Variants in VWA2 observed in about 807,000 individuals in gnomAD.
The protein encoded by VWA2 is von Willebrand factor A domain-containing protein 2.
In VWA2, 73 loss-of-function variants were observed where a neutral mutation model predicts 70.4. That is an observed-to-expected ratio of 1.04 (90% CI 0.86 to 1.26). VWA2 has a LOEUF of 1.26. Among genes scored for constraint, VWA2 ranks in the 50% most tolerant of loss-of-function variants. The pLI, the probability that VWA2 is intolerant of heterozygous loss-of-function variation, is 0.00. For missense variants in VWA2, 1,011 were observed against 998.5 expected (o/e 1.01, Z -0.17); for synonymous variants, 407 against 423.3 (o/e 0.96, Z 0.47).
Position 114,289,393 on chromosome 10 carries a change from C to A in VWA2, c.2026C>A (p.Arg676=). Reference sequence around the variant, plus strand: ...GGGGCCTGTCCTAAGTGAGGGTCTGCGGAGGCTTGCAGGTCCCCGGGATTC... The same window carrying A: ...GGGGCCTGTCCTAAGTGAGGGTCTGAGGAGGCTTGCAGGTCCCCGGGATTC... ...GVGPVLSEGL[R]RLAGPRDSLI... The change falls in exon 12 of 14, where the codon CGG becomes AGG. Residue 676 remains arginine, a synonymous_variant. Transcript: ENST00000392982. 2 of 1,614,208 alleles carry A rather than the reference C, an allele frequency of 1.2e-6. No individual in the cohort carries two copies. Among genetic ancestry groups the A allele is most frequent in the African/African-American group, 1.3e-5 (1 of 75,050 alleles).
intron 1 of VWA2, among the ~76,000 whole-genome samples, chr10:114,243,237 C>T (rs2037005167): frequency 6.6e-6 from 1 of 152,242 alleles, no homozygotes; most frequent in South Asian, 2.1e-4. Flanking sequence ...CTCCCTAACC[C>T]TCCAGGGAGT....
chr10:114,261,592 G>A (rs1422652996), intron 5 of VWA2, among the ~76,000 whole-genome samples: 1 of 152,224 alleles, frequency 6.6e-6, no homozygotes, highest in African/African-American at 2.4e-5. Context: ...TAAGAGCCTG[G>A]AGGAATAGGA....
chr10:114,289,414 G>A lies in VWA2; in HGVS notation c.2047G>A (p.Asp683Asn). Residue 683 changes from aspartate (D) to asparagine (N), a missense_variant, in exon 12 of 14, where the codon GAT (aspartate) becomes AAT (asparagine). Coordinates refer to ENST00000392982, the MANE Select transcript of VWA2 (RefSeq NM_001272046.2). ...EGLRRLAGPRDSLIHVAAYAD... is the reference protein window; with the variant it reads ...EGLRRLAGPRNSLIHVAAYAD... ...TCTGCGGAGGCTTGCAGGTCCCCGG[G>A]ATTCCCTGATCCACGTGGCAGCTTA... The A allele has an allele frequency of 6.2e-7, 1 of 1,614,210 alleles. No individual in the cohort carries two copies. Among genetic ancestry groups the A allele is most frequent in the South Asian group, 1.1e-5 (1 of 91,076 alleles).
chr10:114,265,398 T>A (rs1031930098), intron 5 of VWA2, among the ~76,000 whole-genome samples: 1 of 152,234 alleles, frequency 6.6e-6, no homozygotes, highest in Admixed American at 6.5e-5. Context: ...ACCTCTGCTC[T>A]TGTCTGAAAA....
rs773701314 is a variant in VWA2 at position 114,286,218 on chromosome 10, TGCGGCAG to T, written c.1285_1291del (p.Ala429SerfsTer48). 1 of 1,613,634 alleles carries T rather than the reference TGCGGCAG, an allele frequency of 6.2e-7. No individual in the cohort carries two copies. The highest frequency in any genetic ancestry group is 1.3e-5 in the African/African-American group (1 of 74,932). On this transcript the variant is annotated frameshift_variant, in exon 11 of 14. Coordinates refer to ENST00000392982, the MANE Select transcript of VWA2 (RefSeq NM_001272046.2). LOFTEE classifies it high-confidence loss of function. ...GGCCCCACCCTGACGGGCAGTGCCT[TGCGGCAG>T]GCGGCAGAGCGTGGCTTCGGGAGCG...
chr10:114,249,841 G>A (rs1319063924), intron 2 of VWA2, among the ~76,000 whole-genome samples: 1 of 152,114 alleles, frequency 6.6e-6, no homozygotes, highest in African/African-American at 2.4e-5. Flanking sequence ...AAACTTTTCA[G>A]TGACTTTCTG....
chr10:114,254,933 C>T lies in VWA2; in HGVS notation c.146C>T (p.Ala49Val), dbSNP rs1163590168. 6.2e-7 allele frequency: 1 copy of T among 1,613,270 alleles called. No homozygotes were observed. The highest frequency in any genetic ancestry group is 8.5e-7 in the Non-Finnish European group (1 of 1,179,922). Residue 49 changes from alanine to valine, a missense_variant, in exon 4 of 14, where the codon GCA becomes GTA. By Grantham distance (64) the Ala-to-Val change is moderately conservative. Transcript: ENST00000392982. ...TCCCTAGTGATGTGGTGCTCGGCTG[C>T]AGTGGACATCATGTTTCTGTTAGAT... ...AASKMMWCSA[A>V]VDIMFLLDGS...
Position 114,249,219 on chromosome 10 carries a change from C to T in VWA2, c.52+454C>T, listed in dbSNP as rs191528343. On this transcript the variant is annotated intron_variant, in intron 2 of 13. Coordinates refer to ENST00000392982, the MANE Select transcript of VWA2 (RefSeq NM_001272046.2). Reference sequence around the variant, plus strand: ...CCCCAGTGTGTGTTGTTTCCATCCCCATGTCCATATGTTCTCATTGTTCAG... The same window carrying T: ...CCCCAGTGTGTGTTGTTTCCATCCCTATGTCCATATGTTCTCATTGTTCAG... 2.6e-3 allele frequency among the ~76,000 whole-genome samples: 402 copies of T among 152,096 alleles called. 1 individual carries two copies. Among genetic ancestry groups the T allele is most frequent in the Non-Finnish European group, 2.9e-3 (195 of 67,984 alleles).
intron 6 of VWA2, among the ~76,000 whole-genome samples, chr10:114,277,015 G>C (rs1403122904): frequency 6.6e-6 from 1 of 152,030 alleles, no homozygotes; most frequent in Non-Finnish European, 1.5e-5. Flanking sequence ...CCTGGGAGGA[G>C]AATCTGTTTT....
intron 1 of VWA2, among the ~76,000 whole-genome samples, chr10:114,245,142 G>A (rs919129735): frequency 1.3e-5 from 2 of 152,190 alleles, no homozygotes; most frequent in Non-Finnish European, 2.9e-5. Context: ...CTAGGAGAAG[G>A]CATTTGACAT....
intron 4 of VWA2, among the ~76,000 whole-genome samples, chr10:114,256,995 G>A (rs2133315243): frequency 6.6e-6 from 1 of 152,130 alleles, no homozygotes; most frequent in Non-Finnish European, 1.5e-5. Flanking sequence ...TTGCATACAG[G>A]TTGAGGAAGG....
chr10:114,274,294 A>T (rs2037773166), intron 6 of VWA2, among the ~76,000 whole-genome samples: 1 of 152,168 alleles, frequency 6.6e-6, no homozygotes, highest in Non-Finnish European at 1.5e-5. Flanking sequence ...TAAGCAGGGG[A>T]ATGATATCTT....
chr10:114,258,073 A>T (rs2133318381), intron 4 of VWA2, among the ~76,000 whole-genome samples: 1 of 152,344 alleles, frequency 6.6e-6, no homozygotes, highest in South Asian at 2.1e-4. Flanking sequence ...TTACTTGGGT[A>T]AGTGAATTAG....
Position 114,288,990 on chromosome 10 carries a change from A to G in VWA2, c.1623A>G (p.Ser541=), listed in dbSNP as rs2039253758. 1 of 1,614,008 alleles carries G rather than the reference A, an allele frequency of 6.2e-7. No homozygotes were observed. The highest frequency in any genetic ancestry group is 1.7e-5 in the Admixed American group (1 of 60,012). ...DLVFMLDTSA[S]VGPENFAQMQ... ...TCTTCATGTTGGACACCTCTGCCTC[A>G]GTAGGGCCCGAGAATTTTGCTCAGA... Residue 541 remains serine (S), a synonymous_variant, in exon 12 of 14, where the codon TCA becomes TCG. Coordinates refer to ENST00000392982, the MANE Select transcript of VWA2 (RefSeq NM_001272046.2).
At chr10:114,287,737 A>C (rs182045587) in intron 11 of VWA2, among the ~76,000 whole-genome samples, 1 of 152,178 alleles carries the variant, frequency 6.6e-6, no homozygotes, top group South Asian at 2.1e-4. Context: ...AATAATTGAC[A>C]ATAGTGGAGA....
chr10:114,240,740 G>GC (rs1383328457), intron 1 of VWA2, among the ~76,000 whole-genome samples: 1 of 152,178 alleles, frequency 6.6e-6, no homozygotes, highest in African/African-American at 2.4e-5. Flanking sequence ...CTTTCAGCAG[G>GC]CTGAAGCCAT....
At chr10:114,245,070 G>T (rs1206075937) in intron 1 of VWA2, among the ~76,000 whole-genome samples, 1 of 152,198 alleles carries the variant, frequency 6.6e-6, no homozygotes, top group African/African-American at 2.4e-5. Flanking sequence ...GTATTGAGGG[G>T]GACAGGGGAG....
intron 6 of VWA2, among the ~76,000 whole-genome samples, chr10:114,273,311 G>T (rs1186966251): frequency 6.6e-6 from 1 of 152,192 alleles, no homozygotes; most frequent in Admixed American, 6.5e-5. Context: ...TTCTCTGCCT[G>T]TTGCCTCCTC....
In VWA2 at chr10:114,246,801, G is replaced by A. The variant is rs7074528; in HGVS notation, c.-10-1903G>A. The A allele has an allele frequency of 4.6e-3, 4,838 of 1,060,438 alleles. 162 individuals carry two copies. The African/African-American group carries it at 0.067, about 15-fold the overall frequency. The allele number at this position is 1,060,438 out of a possible 1,614,324, so 65.7% of individuals were successfully genotyped here. Reference sequence around the variant, plus strand: ...TGCTACTAAAATTTATTTTACCATTGACTGCTGCCCTCAATCTAGAGCGCT... The same window carrying A: ...TGCTACTAAAATTTATTTTACCATTAACTGCTGCCCTCAATCTAGAGCGCT... On this transcript the variant is annotated intron_variant, in intron 1 of 13. Transcript: ENST00000392982.
Sources: gnomAD v4.1 joint callset for allele counts (sites outside exome capture counted in the v4.1 genomes callset) on GRCh38, gnomAD v4.1.1 for gene constraint, MANE v1.5 for transcripts, NCBI Gene and HGNC (gene_info 2026-07-23, HGNC 2026-07-21) for gene names.